EPDR1: variants seen among roughly 807,000 people sequenced by gnomAD.
EPDR1 encodes mammalian ependymin-related protein 1.
A neutral mutation model predicts 23.7 loss-of-function variants in EPDR1; 27 were observed. That is an observed-to-expected ratio of 1.14 (90% confidence interval 0.84 to 1.57). The LOEUF is 1.57. EPDR1 is among the 40% of genes most tolerant of loss of function. The pLI, the probability that EPDR1 is intolerant of heterozygous loss-of-function variation, is 0.00. For missense variants in EPDR1, 349 were observed against 290.4 expected (o/e 1.20, Z -1.47); for synonymous variants, 137 against 118.2 (o/e 1.16, Z -1.03).
chr7:37,927,790 A>T (rs919944842), intron 1 of EPDR1, among the ~76,000 whole-genome samples: 1 of 152,178 alleles, frequency 6.6e-6, no homozygotes, highest in Non-Finnish European at 1.5e-5. Context: ...TAAGAGCATG[A>T]CTTCTCCTTT....
At chr7:37,949,091 A>T (rs377040412) in intron 2 of EPDR1, 43 bp downstream of exon 2, 2 of 1,575,362 alleles carry the variant, frequency 1.3e-6, no homozygotes, top group East Asian at 2.2e-5. Flanking sequence ...AGCATGCATG[A>T]TGGGGAAAAA....
At chr7:37,933,776 T>C (rs552339631) in intron 1 of EPDR1, among the ~76,000 whole-genome samples, 1 of 152,206 alleles carries the variant, frequency 6.6e-6, no homozygotes, top group South Asian at 2.1e-4. Context: ...ATTGAGTAGA[T>C]GTTATCCATA....
At chr7:37,948,551 T>A (rs916078193) in intron 1 of EPDR1, among the ~76,000 whole-genome samples, 4 of 152,068 alleles carry the variant, frequency 2.6e-5, no homozygotes, top group African/African-American at 9.7e-5. Context: ...TCTCACTATG[T>A]TGCCCAGGCC....
chr7:37,949,634 G>C lies in EPDR1; in HGVS notation c.479-566G>C, dbSNP rs76332613. Among the ~76,000 whole-genome samples, 264 of 152,228 alleles carry C rather than the reference G, an allele frequency of 1.7e-3. 1 individual carries two copies. The highest frequency in any genetic ancestry group is 5.9e-3 in the Admixed American group (90 of 15,296). Reference sequence around the variant, plus strand: ...ATATATATATATGCCCCAAAGAATTGAACGCAGAGACTCAAACAGATATTT... The same window carrying C: ...ATATATATATATGCCCCAAAGAATTCAACGCAGAGACTCAAACAGATATTT... On this transcript the variant is annotated intron_variant, in intron 2 of 2. Transcript: ENST00000199448.
At chr7:37,929,184 GC>G (rs972038785) in intron 1 of EPDR1, among the ~76,000 whole-genome samples, 4 of 152,116 alleles carry the variant, frequency 2.6e-5, no homozygotes, top group African/African-American at 9.7e-5. Context: ...CATTCTCAGT[GC>G]CCCCTCACTG....
intron 1 of EPDR1, among the ~76,000 whole-genome samples, chr7:37,927,429 G>A (rs1454999794): frequency 6.6e-6 from 1 of 151,916 alleles, no homozygotes; most frequent in African/African-American, 2.4e-5. Flanking sequence ...GAGAAAACTG[G>A]CTTACTATTC....
intron 1 of EPDR1, among the ~76,000 whole-genome samples, chr7:37,937,558 A>G (rs560012790): frequency 6.6e-6 from 1 of 152,338 alleles, no homozygotes; most frequent in Admixed American, 6.5e-5. Context: ...GAAAAATAAA[A>G]TCAGATGATG....
At position 37,950,311 on chromosome 7, in the gene EPDR1, G is replaced by A. The variant is rs778531294; in HGVS notation, c.590G>A (p.Gly197Asp). The A allele has an allele frequency of 6.2e-7, 1 of 1,613,992 alleles. No individual in the cohort carries two copies. The highest frequency in any genetic ancestry group is 2.2e-5 in the East Asian group (1 of 44,864). ...ACGCGGTTTTTTGACATCCAGCTGGGTATTAAAGACCCCTCGGTGTTTACC... is the reference window on the plus strand; with the variant it reads ...ACGCGGTTTTTTGACATCCAGCTGGATATTAAAGACCCCTCGGTGTTTACC... ...LSTRFFDIQLGIKDPSVFTPP... is the reference protein window; with the variant it reads ...LSTRFFDIQLDIKDPSVFTPP... The change falls in exon 3 of 3, where the codon GGT becomes GAT. Residue 197 changes from glycine to aspartate, a missense_variant. By Grantham distance (94) the Gly-to-Asp change is moderately conservative (BLOSUM62 -1). Coordinates refer to ENST00000199448, the MANE Select transcript of EPDR1 (RefSeq NM_017549.5).
chr7:37,937,459 A>C (rs1180766378), intron 1 of EPDR1, among the ~76,000 whole-genome samples: 1 of 152,232 alleles, frequency 6.6e-6, no homozygotes, highest in African/African-American at 2.4e-5. Flanking sequence ...ATTTATATCA[A>C]GTACAAAACG....
chr7:37,947,180 A>G (rs1358658985), intron 1 of EPDR1, among the ~76,000 whole-genome samples: 1 of 152,168 alleles, frequency 6.6e-6, no homozygotes, highest in Admixed American at 6.5e-5. Context: ...ACCATTTTTT[A>G]TATTTTATCC....
rs75474297 is a variant in EPDR1, at chr7:37,933,522, T to C, written c.269+12314T>C. On this transcript the variant is annotated intron_variant, in intron 1 of 2. Coordinates refer to ENST00000199448, the MANE Select transcript of EPDR1 (RefSeq NM_017549.5). ...TTCTCATCTGTTAAAAAAATAAAAA[T>C]GCTAATAACATGTTCAACCAGCTGA... is the stretch of plus-strand genomic sequence containing the variant. Among the ~76,000 whole-genome samples, 83 of 152,298 alleles carry C rather than the reference T, an allele frequency of 5.4e-4. No homozygotes were observed. In the South Asian group the frequency reaches 7.5e-3, roughly 14 times the overall value.
chr7:37,920,853 A>G lies in EPDR1; in HGVS notation c.-87A>G, dbSNP rs1215565511. 6.2e-7 allele frequency: 1 copy of G among 1,610,582 alleles called. No individual in the cohort carries two copies. The highest frequency in any genetic ancestry group is 2.2e-5 in the East Asian group (1 of 44,822). On this transcript the variant is annotated 5_prime_UTR_variant, in exon 1 of 3. Transcript: ENST00000199448. Reference sequence around the variant, plus strand: ...ACCACACTCCCGGCACAGTGCGGAAAGAGCCGGCGGGAGCCACTCTGATCC... The same window carrying G: ...ACCACACTCCCGGCACAGTGCGGAAGGAGCCGGCGGGAGCCACTCTGATCC...
chr7:37,942,625 A>G (rs1169924723), intron 1 of EPDR1, among the ~76,000 whole-genome samples: 1 of 152,212 alleles, frequency 6.6e-6, no homozygotes, highest in Non-Finnish European at 1.5e-5. Flanking sequence ...TAGATATAAA[A>G]ATTAATACGT....
chr7:37,936,175 GT>G (rs1171121528), intron 1 of EPDR1, among the ~76,000 whole-genome samples: 2 of 150,708 alleles, frequency 1.3e-5, no homozygotes, highest in Non-Finnish European at 3.0e-5. Flanking sequence ...TTGTAATCAA[GT>G]GAGATTTATT....
intron 1 of EPDR1, among the ~76,000 whole-genome samples, chr7:37,931,204 C>G (rs1785930410): frequency 6.6e-6 from 1 of 152,060 alleles, no homozygotes; most frequent in Non-Finnish European, 1.5e-5. Context: ...ATGTTTATGG[C>G]ATTTACAGCT....
rs151192069 is a variant in EPDR1 at position 37,930,620 on chromosome 7, C to T, written c.269+9412C>T. 9.2e-5 allele frequency among the ~76,000 whole-genome samples: 14 copies of T among 152,188 alleles called. 1 individual carries two copies. Among genetic ancestry groups the T allele is most frequent in the South Asian group, 4.1e-4 (2 of 4,832 alleles). On this transcript the variant is annotated intron_variant, in intron 1 of 2. Coordinates refer to ENST00000199448, the MANE Select transcript of EPDR1 (RefSeq NM_017549.5). ...TCTCATCCTAGCCCAGCTTCAGGCA[C>T]GGCCTGGCTTACCCTTGGACCCCAG...
At chr7:37,947,051 A>C (rs1786290799) in intron 1 of EPDR1, among the ~76,000 whole-genome samples, 1 of 152,182 alleles carries the variant, frequency 6.6e-6, no homozygotes, top group South Asian at 2.1e-4. Context: ...AAGCCTACAG[A>C]AGTGTATAGA....
chr7:37,924,607 G>A (rs1344940218), intron 1 of EPDR1, among the ~76,000 whole-genome samples: 1 of 152,146 alleles, frequency 6.6e-6, no homozygotes, highest in Admixed American at 6.5e-5. Context: ...TCATTCCTCT[G>A]CCCTAATCCA....
At chr7:37,922,290 C>T (rs1184526326) in intron 1 of EPDR1, among the ~76,000 whole-genome samples, 5 of 152,192 alleles carry the variant, frequency 3.3e-5, no homozygotes, top group Admixed American at 6.5e-5. Context: ...AAGTATTAGG[C>T]GACTTGAAGA....
Sources: allele counts gnomAD v4.1 joint callset (sites outside exome capture counted in the v4.1 genomes callset), GRCh38; gene constraint gnomAD v4.1.1; transcripts MANE v1.5; gene names NCBI Gene and HGNC (gene_info 2026-07-23, HGNC 2026-07-21).